The following ATP2C1 variants were observed in gnomAD, a reference collection of about 807,000 sequenced individuals.
ATP2C1 encodes the protein calcium-transporting ATPase type 2C member 1.
Under a neutral mutation model 120.5 loss-of-function variants are expected in ATP2C1, and 31 were observed. That is an observed-to-expected ratio of 0.26 (90% CI 0.19 to 0.35). ATP2C1 has a LOEUF of 0.35. Ranked by LOEUF, ATP2C1 falls within the 10% of genes least tolerant of loss-of-function variation. ATP2C1 has a pLI of 1.00. For missense variants in ATP2C1, 731 were observed against 1,107.5 expected (o/e 0.66, Z 4.83); for synonymous variants, 351 against 358.7 (o/e 0.98, Z 0.24).
chr3:131,004,144 T>A (rs757090010), downstream of ATP2C1, among the ~76,000 whole-genome samples: 2 of 152,244 alleles, frequency 1.3e-5, no homozygotes, highest in Non-Finnish European at 1.5e-5. Context: ...TTTGCCCATT[T>A]ACTTTAAAAA....
At chr3:130,979,168 C>T in intron 18 of ATP2C1, 81 bp from the exon 19 acceptor site, 1 of 1,367,782 alleles carries the variant, frequency 7.3e-7, no homozygotes. Context: ...GTGTTACTGT[C>T]TCCAATTTCT....
chr3:130,927,443 A>T (rs2108313968), intron 2 of ATP2C1, among the ~76,000 whole-genome samples: 1 of 152,094 alleles, frequency 6.6e-6, no homozygotes, highest in South Asian at 2.1e-4. Flanking sequence ...GGGTTTCATT[A>T]TGTTAGCCAG....
At chr3:131,013,305 AT>A (rs1275505123) in intron 26 of ATP2C1, among the ~76,000 whole-genome samples, 1 of 152,186 alleles carries the variant, frequency 6.6e-6, no homozygotes, top group Non-Finnish European at 1.5e-5. Flanking sequence ...TATATCTGAT[AT>A]TTTCCATTCT....
chr3:130,981,077 G>A (rs1157239095), intron 20 of ATP2C1, among the ~76,000 whole-genome samples: 4 of 151,780 alleles, frequency 2.6e-5, no homozygotes, highest in Admixed American at 6.6e-5. Flanking sequence ...AGTAAAATTC[G>A]CCCATTTTAG....
intron 6 of ATP2C1, among the ~76,000 whole-genome samples, chr3:130,939,185 C>T (rs2108430282): frequency 6.6e-6 from 1 of 152,258 alleles, no homozygotes; most frequent in Non-Finnish European, 1.5e-5. Flanking sequence ...GTCAGTTGAA[C>T]TTATCATAAT....
At chr3:130,902,283 C>CTTTTT (rs2057872994) in intron 2 of ATP2C1, among the ~76,000 whole-genome samples, 1 of 80,914 alleles carries the variant, frequency 1.2e-5, no homozygotes, top group African/African-American at 4.8e-5. Context: ...CAAGGCTTCA[C>CTTTTT]GTTTTTTTTT....
intron 20 of ATP2C1, among the ~76,000 whole-genome samples, chr3:130,985,068 G>A (rs187854400): frequency 6.6e-5 from 10 of 152,308 alleles, no homozygotes; most frequent in Admixed American, 2.0e-4. Flanking sequence ...TTTCACAAAT[G>A]CAGATGTATG....
At chr3:130,850,939 G>A in intron 1 of ATP2C1, 1 of 1,313,878 alleles carries the variant, frequency 7.6e-7, no homozygotes, top group Non-Finnish European at 9.8e-7. Context: ...GTATCATTTT[G>A]TTTATATTAT....
At chr3:131,007,213 T>C (rs1012780489), downstream of ATP2C1, among the ~76,000 whole-genome samples, 2 of 152,222 alleles carry the variant, frequency 1.3e-5, no homozygotes, top group African/African-American at 4.8e-5. Context: ...GCTGGTGTTC[T>C]CGTGTACACG....
chr3:130,926,454 T>G (rs948590608), intron 2 of ATP2C1, among the ~76,000 whole-genome samples: 3 of 152,220 alleles, frequency 2.0e-5, no homozygotes, highest in Non-Finnish European at 4.4e-5. Flanking sequence ...AAACATTAAA[T>G]AAAATAGTAT....
At chr3:130,957,297 G>T (rs769862752) in intron 11 of ATP2C1, among the ~76,000 whole-genome samples, 8 of 152,042 alleles carry the variant, frequency 5.3e-5, no homozygotes, top group African/African-American at 1.9e-4. Flanking sequence ...AAACATTGTT[G>T]TATAGTTTTT....
chr3:130,944,473 A>G (rs942977074), intron 8 of ATP2C1, among the ~76,000 whole-genome samples: 1 of 152,208 alleles, frequency 6.6e-6, no homozygotes, highest in African/African-American at 2.4e-5. Flanking sequence ...ATCTTCTTGC[A>G]GAGTCCTCAC....
At chr3:130,872,731 C>A (rs959418077) in intron 1 of ATP2C1, among the ~76,000 whole-genome samples, 1 of 152,020 alleles carries the variant, frequency 6.6e-6, no homozygotes, top group Non-Finnish European at 1.5e-5. Flanking sequence ...ATTACGGGCA[C>A]CTACCACCAC....
In ATP2C1 at chr3:131,001,575, G is replaced by A. The variant is rs1385190710; in HGVS notation, c.*225G>A. The A allele has an allele frequency of 8.9e-6, 11 of 1,232,396 alleles. No homozygotes were observed. The highest frequency in any genetic ancestry group is 1.1e-5 in the Non-Finnish European group (11 of 979,358). 76.3% of individuals were successfully genotyped at this position (1,232,396 alleles called of 1,614,324 possible). ...GATTTAAATTGGCTTTTGTGATTGA[G>A]TGAAACTTTATAAAGCATATGGTCA... is the stretch of plus-strand genomic sequence containing the variant. On this transcript the variant is annotated 3_prime_UTR_variant, in exon 28 of 28. Coordinates refer to ENST00000510168, the MANE Select transcript of ATP2C1 (RefSeq NM_001378687.1).
At chr3:130,881,321 C>T (rs1412403196) in intron 1 of ATP2C1, among the ~76,000 whole-genome samples, 1 of 151,640 alleles carries the variant, frequency 6.6e-6, no homozygotes, top group African/African-American at 2.4e-5. Flanking sequence ...ATTTTAAGAC[C>T]TCCTTTTCTT....
chr3:130,920,034 G>A (rs1339982590), intron 2 of ATP2C1, among the ~76,000 whole-genome samples: 1 of 152,120 alleles, frequency 6.6e-6, no homozygotes, highest in Non-Finnish European at 1.5e-5. Context: ...TTTAAGTTGA[G>A]TTATTTGTGT....
At chr3:130,918,301 A>C in intron 2 of ATP2C1, 1 of 1,558,736 alleles carries the variant, frequency 6.4e-7, no homozygotes, top group Non-Finnish European at 8.8e-7. Context: ...ACCCTTTACA[A>C]TAGATTTCAC....
chr3:130,907,708 A>T (rs557385552), intron 2 of ATP2C1, among the ~76,000 whole-genome samples: 3 of 145,686 alleles, frequency 2.1e-5, no homozygotes, highest in Non-Finnish European at 3.0e-5. Context: ...GAAGTGTGAG[A>T]CCTTTAACAG....
At chr3:130,950,044 C>G (rs962815112) in intron 8 of ATP2C1, among the ~76,000 whole-genome samples, 19 of 152,054 alleles carry the variant, frequency 1.2e-4, no homozygotes, top group Non-Finnish European at 2.1e-4. Flanking sequence ...GCCAGTTGTT[C>G]CATATTAACC....
Sources: gnomAD v4.1 joint callset for allele counts (sites outside exome capture counted in the v4.1 genomes callset) on GRCh38, gnomAD v4.1.1 for gene constraint, MANE v1.5 for transcripts, NCBI Gene and HGNC (gene_info 2026-07-23, HGNC 2026-07-21) for gene names.